BICC1: variants seen among roughly 807,000 people sequenced by gnomAD.
BICC1 encodes protein bicaudal C homolog 1.
A neutral mutation model predicts 111.0 loss-of-function variants in BICC1; 43 were observed. The observed-to-expected ratio is 0.39, with a 90% CI of 0.30 to 0.50. BICC1 has a LOEUF of 0.50. Ranked by LOEUF, BICC1 falls within the 20% of genes least tolerant of loss-of-function variation. The probability of loss-of-function intolerance (pLI) is 0.88; values close to 1 mark genes in which losing one functional copy is unlikely to be tolerated. For synonymous variants in BICC1, 467 were observed against 434.4 expected, an observed-to-expected ratio of 1.07 and a Z score of -0.93; for missense variants, 1,091 against 1,203.2, an observed-to-expected ratio of 0.91 and a Z score of 1.38.
Position 58,784,986 on chromosome 10 carries a change from A to G in BICC1, c.308-15A>G, listed in dbSNP as rs1158962635. On this transcript the variant is annotated splice_polypyrimidine_tract_variant and intron_variant, in intron 3 of 20. Transcript: ENST00000373886. ...TTTGGGAGTTTCACACAAGCCTTTTATTTCTTTCTTATAGATCCCCATATT... is the reference window on the plus strand; with the variant it reads ...TTTGGGAGTTTCACACAAGCCTTTTGTTTCTTTCTTATAGATCCCCATATT... 1.4e-6 allele frequency: 2 copies of G among 1,474,068 alleles called. No homozygotes were observed. The highest frequency in any genetic ancestry group is 1.9e-6 in the Non-Finnish European group (2 of 1,074,024). The allele number at this position is 1,474,068 out of a possible 1,614,324, so 91.3% of individuals were successfully genotyped here. A position where few individuals can be genotyped will look rare whatever the true frequency, so the allele number is the denominator to read the frequency against.
chr10:58,705,056 G>C (rs1325128530), intron 3 of BICC1, among the ~76,000 whole-genome samples: 4 of 152,192 alleles, frequency 2.6e-5, no homozygotes, highest in Non-Finnish European at 4.4e-5. Flanking sequence ...AGAGCTGGAA[G>C]GAAGCTGCCT....
intron 1 of BICC1, among the ~76,000 whole-genome samples, chr10:58,539,004 A>G (rs1212474885): frequency 2.6e-5 from 4 of 151,736 alleles, no homozygotes; most frequent in Admixed American, 6.6e-5. Context: ...TATAACTTCT[A>G]TAGAATACAG....
At chr10:58,594,415 A>G (rs1212405829) in intron 1 of BICC1, among the ~76,000 whole-genome samples, 1 of 152,122 alleles carries the variant, frequency 6.6e-6, no homozygotes, top group African/African-American at 2.4e-5. Flanking sequence ...ACCCTAAGAC[A>G]CATAATTTTG....
At chr10:58,638,788 G>A (rs201163488) in intron 2 of BICC1, among the ~76,000 whole-genome samples, 2 of 152,114 alleles carry the variant, frequency 1.3e-5, no homozygotes, top group South Asian at 2.1e-4. Context: ...TCCGTTATTC[G>A]TCAAAGGAGG....
At chr10:58,816,845 G>C (rs1163544508) in intron 18 of BICC1, among the ~76,000 whole-genome samples, 1 of 151,278 alleles carries the variant, frequency 6.6e-6, no homozygotes, top group Non-Finnish European at 1.5e-5. Context: ...GCTTGTCACT[G>C]GGTCTGAGAG....
chr10:58,527,139 A>G (rs1185516551), intron 1 of BICC1, among the ~76,000 whole-genome samples: 1 of 152,178 alleles, frequency 6.6e-6, no homozygotes, highest in Non-Finnish European at 1.5e-5. Flanking sequence ...GTGAGATGGT[A>G]TCTCATTGTG....
intron 1 of BICC1, among the ~76,000 whole-genome samples, chr10:58,517,559 T>C (rs2132499630): frequency 6.6e-6 from 1 of 152,286 alleles, no homozygotes; most frequent in South Asian, 2.1e-4. Context: ...GAGTAAAGCT[T>C]AAATAAACAG....
At position 58,808,034 on chromosome 10, in the gene BICC1, A is replaced by G. The variant is rs16912627; in HGVS notation, c.2376+876A>G. Among the ~76,000 whole-genome samples, 1,003 of 152,040 alleles carry G rather than the reference A, an allele frequency of 6.6e-3. 14 individuals are homozygous for G. Among genetic ancestry groups the G allele is most frequent in the African/African-American group, 0.023 (963 of 41,468 alleles). ...CTTTTCTCCACCCATTTGCTTTGTA[A>G]TAAATTAGGCTATTGATGAAACACA... is the stretch of plus-strand genomic sequence containing the variant. On this transcript the variant is annotated intron_variant, in intron 17 of 20. Coordinates refer to ENST00000373886, the MANE Select transcript of BICC1 (RefSeq NM_001080512.3).
intron 1 of BICC1, among the ~76,000 whole-genome samples, chr10:58,608,914 A>T (rs1237395677): frequency 6.6e-6 from 1 of 152,252 alleles, no homozygotes; most frequent in African/African-American, 2.4e-5. Flanking sequence ...GAAAGCAGGC[A>T]TGTCTCTTCT....
chr10:58,678,595 T>C (rs777851053), intron 2 of BICC1, among the ~76,000 whole-genome samples: 60 of 152,272 alleles, frequency 3.9e-4, no homozygotes, highest in Admixed American at 5.9e-4. Flanking sequence ...GTGGGGATTT[T>C]AACACCCCAC....
intron 2 of BICC1, among the ~76,000 whole-genome samples, chr10:58,685,495 G>A (rs1364238284): frequency 1.3e-5 from 2 of 152,082 alleles, no homozygotes; most frequent in African/African-American, 4.8e-5. Context: ...TTATTTTGTG[G>A]GAGTCTAAGT....
chr10:58,828,174 G>T (rs1844455051), intron 20 of BICC1, among the ~76,000 whole-genome samples: 1 of 152,176 alleles, frequency 6.6e-6, no homozygotes, highest in Admixed American at 6.5e-5. Context: ...ATGGGAGCAG[G>T]AGGGGTTTGG....
chr10:58,801,056 T>C lies in BICC1; in HGVS notation c.2015+10T>C, dbSNP rs751764536. On this transcript the variant is annotated intron_variant, in intron 14 of 20. Transcript: ENST00000373886. ...AAAACTCACACTTACAGTATGTATT[T>C]TAATCTTTAAAGAGCCCTTGATATT... is the stretch of plus-strand genomic sequence containing the variant. 8 of 1,581,078 alleles carry C rather than the reference T, an allele frequency of 5.1e-6. No individual in the cohort carries two copies. In the Admixed American group the frequency reaches 1.5e-4, roughly 29 times the overall value.
intron 2 of BICC1, among the ~76,000 whole-genome samples, chr10:58,669,746 T>A (rs1839124558): frequency 6.6e-6 from 1 of 152,140 alleles, no homozygotes; most frequent in African/African-American, 2.4e-5. Flanking sequence ...TCAGAATAAC[T>A]GTTATTTTCC....
chr10:58,696,030 A>G (rs1840054986), intron 2 of BICC1, among the ~76,000 whole-genome samples: 3 of 152,168 alleles, frequency 2.0e-5, no homozygotes, highest in Admixed American at 1.3e-4. Context: ...ACTTTCTTCT[A>G]ATTACAAAAA....
At chr10:58,526,669 A>G (rs1197200227) in intron 1 of BICC1, among the ~76,000 whole-genome samples, 1 of 152,298 alleles carries the variant, frequency 6.6e-6, no homozygotes, top group Non-Finnish European at 1.5e-5. Context: ...AAGAGTGAGA[A>G]CATGCGGTGT....
intron 2 of BICC1, among the ~76,000 whole-genome samples, chr10:58,642,408 T>A (rs1838150674): frequency 6.6e-6 from 1 of 152,116 alleles, no homozygotes; most frequent in Admixed American, 6.6e-5. Context: ...AAGAGTGACT[T>A]TGGTTGGTTA....
intron 2 of BICC1, among the ~76,000 whole-genome samples, chr10:58,662,397 A>G (rs1838871658): frequency 6.6e-6 from 1 of 152,230 alleles, no homozygotes; most frequent in African/African-American, 2.4e-5. Flanking sequence ...GAAGGAGGTT[A>G]AATTAAAAAC....
At chr10:58,783,346 G>A (rs1842929368) in intron 3 of BICC1, among the ~76,000 whole-genome samples, 2 of 152,096 alleles carry the variant, frequency 1.3e-5, no homozygotes, top group Admixed American at 1.3e-4. Flanking sequence ...GCAGTGGGTA[G>A]CTTTAAGAAA....
Sources: gnomAD v4.1 joint callset for allele counts (sites outside exome capture counted in the v4.1 genomes callset) on GRCh38, gnomAD v4.1.1 for gene constraint, MANE v1.5 for transcripts, NCBI Gene and HGNC (gene_info 2026-07-23, HGNC 2026-07-21) for gene names.